The following TLDC2 variants were observed in gnomAD, a reference collection of about 807,000 sequenced individuals.
The protein encoded by TLDC2 is TLD domain-containing protein 2.
TLDC2 carries 23 observed loss-of-function variants against 27.9 expected under a neutral mutation model. That is an observed-to-expected ratio of 0.82 (90% CI 0.59 to 1.17). The LOEUF is 1.17. Ranked by LOEUF, TLDC2 falls within the 50% of genes most tolerant of loss-of-function variation. The pLI, the probability that TLDC2 is intolerant of heterozygous loss-of-function variation, is 0.00. For synonymous variants in TLDC2, 124 were observed against 107.4 expected (o/e 1.16, Z -0.96); for missense variants, 286 against 273.4 (o/e 1.05, Z -0.32).
intron 1 of TLDC2, 143 bp downstream of exon 1, chr20:36,876,350 G>A: frequency 8.9e-7 from 1 of 1,129,106 alleles, no homozygotes; most frequent in Non-Finnish European, 1.3e-6. Flanking sequence ...CCTGTGGTTT[G>A]GAGCAAGGAC....
At chr20:36,892,813 T>C in intron 6 of TLDC2, 49 bp from the exon 7 acceptor site, 1 of 1,296,816 alleles carries the variant, frequency 7.7e-7, no homozygotes, top group Non-Finnish European at 1.1e-6. Context: ...TCAGCATGCG[T>C]GTACATTCAA....
Position 36,878,904 on chromosome 20 carries a change from G to A in TLDC2, c.190-137G>A, listed in dbSNP as rs1989735476. 3.0e-5 allele frequency: 39 copies of A among 1,290,968 alleles called. No homozygotes were observed. The South Asian group carries it at 4.6e-4, about 15-fold the overall frequency. The allele number at this position is 1,290,968 out of a possible 1,614,324, so 80.0% of individuals were successfully genotyped here. A position where few individuals can be genotyped will look rare whatever the true frequency, so the allele number is the denominator to read the frequency against. On this transcript the variant is annotated intron_variant, in intron 2 of 6. Transcript: ENST00000217320. ...GAGGGCTATGGCTGATGGCATGAAA[G>A]TCCCTAGAAACAGCAAACTGCTCTA...
At position 36,889,743 on chromosome 20, in the gene TLDC2, C is replaced by T. The variant is rs149159832; in HGVS notation, c.*17+340C>T. The stretch of plus-strand genomic sequence containing the variant: ...ATGCTGTTCCTCGCCAGCTACTGAA[C>T]GAGGAAAACCAACCTCATGAACATT... On this transcript the variant is annotated intron_variant, in intron 6 of 6. Coordinates refer to ENST00000217320, the MANE Select transcript of TLDC2 (RefSeq NM_080628.3). 8.8e-3 allele frequency: 1,545 copies of T among 176,250 alleles called. 11 individuals carry two copies. Among genetic ancestry groups the T allele is most frequent in the Non-Finnish European group, 0.012 (981 of 84,408 alleles). 10.9% of individuals were successfully genotyped at this position (176,250 alleles called of 1,614,324 possible). A position where few individuals can be genotyped will look rare whatever the true frequency, so the allele number is the denominator to read the frequency against.
At position 36,878,047 on chromosome 20, in the gene TLDC2, T is replaced by A; in HGVS notation, c.182T>A (p.Ile61Asn). ...AGCCAGGTTTTGAGTGCCTCAGAGA[T>A]TCGGCAGGTCTGGGCATTGCCCATG... The part of the protein sequence containing the change: ...EASQVLSASE[I>N]RQLSFHFPPR... The change falls in exon 2 of 7, where the codon ATT becomes AAT. Residue 61 changes from isoleucine (I) to asparagine (N), a missense_variant. Ile to Asn is a moderately radical substitution (Grantham distance 149). Coordinates refer to ENST00000217320, the MANE Select transcript of TLDC2 (RefSeq NM_080628.3). 1 of 1,612,986 alleles carries A rather than the reference T, an allele frequency of 6.2e-7. No homozygotes were observed. Among genetic ancestry groups the A allele is most frequent in the Non-Finnish European group, 8.5e-7 (1 of 1,179,452 alleles).
At chr20:36,890,424 T>C (rs1166226059) in intron 6 of TLDC2, 1 of 151,390 alleles carries the variant, frequency 6.6e-6, no homozygotes, top group African/African-American at 2.4e-5. Context: ...CTTTCTTTTC[T>C]TTCTCTCTTT....
At chr20:36,890,422 T>TTTCTTTCTTTCTTTCTTTC (rs1387480780) in intron 6 of TLDC2, 6 of 109,866 alleles carry the variant, frequency 5.5e-5, no homozygotes, top group Non-Finnish European at 9.2e-5. Context: ...TTCTTTCTTT[T>TTTCTTTCTTTCTTTCTTTC]CTTTCTCTCT....
intron 2 of TLDC2, among the ~76,000 whole-genome samples, chr20:36,878,661 G>A (rs779779480): frequency 2.0e-5 from 3 of 152,082 alleles, no homozygotes; most frequent in Non-Finnish European, 2.9e-5. Flanking sequence ...AGGGGTGGGC[G>A]GATGAGACGG....
At chr20:36,888,442 T>C (rs1015461356) in intron 5 of TLDC2, among the ~76,000 whole-genome samples, 3 of 151,870 alleles carry the variant, frequency 2.0e-5, no homozygotes, top group East Asian at 1.9e-4. Flanking sequence ...CGTGGTGGCT[T>C]GTGCCTGTAA....
At chr20:36,880,459 T>A (rs1021826966) in intron 3 of TLDC2, among the ~76,000 whole-genome samples, 196 bp from the exon 4 acceptor site, 4 of 151,462 alleles carry the variant, frequency 2.6e-5, no homozygotes, top group African/African-American at 9.7e-5. Flanking sequence ...GCAGCAGGAG[T>A]TCTTCCTTGG....
intron 6 of TLDC2, chr20:36,892,078 C>T (rs1468105084): frequency 1.3e-5 from 2 of 152,392 alleles, no homozygotes; most frequent in African/African-American, 2.4e-5. Context: ...GGAGCCGCCA[C>T]GGAGCCAGGG....
At position 36,893,198 on chromosome 20, in the gene TLDC2, G is replaced by C; in HGVS notation, c.*354G>C. ...TGCTTCTAGCTGTCCTCAATCCAGG[G>C]AAACTCCAAATTACATATGCCCTGT... On this transcript the variant is annotated 3_prime_UTR_variant, in exon 7 of 7. Transcript: ENST00000217320. The C allele has an allele frequency of 8.9e-7, 1 of 1,126,036 alleles. No homozygotes were observed. The highest frequency in any genetic ancestry group is 1.3e-6 in the Non-Finnish European group (1 of 769,276). 69.8% of individuals were successfully genotyped at this position (1,126,036 alleles called of 1,614,324 possible).
chr20:36,885,814 C>G (rs1293561759), intron 4 of TLDC2, among the ~76,000 whole-genome samples: 4 of 152,132 alleles, frequency 2.6e-5, no homozygotes. Context: ...AGGAAGAAGA[C>G]AGGCCACACG....
At chr20:36,890,093 C>T (rs1457812340) in intron 6 of TLDC2, 2 of 152,212 alleles carry the variant, frequency 1.3e-5, no homozygotes, top group East Asian at 3.8e-4. Context: ...GCCTTTTTGT[C>T]TGCCACCAGT....
At chr20:36,880,870 C>T (rs1310714186) in intron 4 of TLDC2, 120 bp downstream of exon 4, 2 of 900,380 alleles carry the variant, frequency 2.2e-6, no homozygotes, top group African/African-American at 3.3e-5. Flanking sequence ...ACCATCTTCC[C>T]ACAGGGGAAT....
chr20:36,878,156 T>C, intron 2 of TLDC2, 102 bp downstream of exon 2: 2 of 1,315,926 alleles, frequency 1.5e-6, no homozygotes, highest in Non-Finnish European at 2.0e-6. Flanking sequence ...GAGTCACTCT[T>C]GCTCTGTTCT....
intron 1 of TLDC2, 81 bp from the exon 2 acceptor site, chr20:36,877,818 A>G: frequency 6.7e-7 from 1 of 1,501,474 alleles, no homozygotes; most frequent in Non-Finnish European, 9.0e-7. Context: ...AGGTGGCCCG[A>G]GGAGGCTCTT....
Position 36,889,311 on chromosome 20 carries a change from G to A in TLDC2, c.573G>A (p.Pro191=), listed in dbSNP as rs999909570. The stretch of plus-strand genomic sequence containing the variant: ...TCCGCGGGGGAAGCTCCCCTTGCCC[G>A]ACCTTCAACAACGAGGTGCTGGCCC... ...DLFRGGSSPC[P]TFNNEVLARQ... Residue 191 remains proline, a synonymous_variant, in exon 6 of 7, where the codon CCG becomes CCA. Transcript: ENST00000217320. 2.5e-6 allele frequency: 4 copies of A among 1,614,060 alleles called. No homozygotes were observed. The highest frequency in any genetic ancestry group is 1.1e-5 in the South Asian group (1 of 91,086).
chr20:36,885,526 C>T (rs1270414694), intron 4 of TLDC2, among the ~76,000 whole-genome samples: 1 of 152,214 alleles, frequency 6.6e-6, no homozygotes, highest in East Asian at 1.9e-4. Flanking sequence ...GTGTATCTTA[C>T]TCCTTCAGGT....
At position 36,889,436 on chromosome 20, in the gene TLDC2, C is replaced by T. The variant is rs758445190; in HGVS notation, c.*17+33C>T. 4 of 1,595,260 alleles carry T rather than the reference C, an allele frequency of 2.5e-6. No individual in the cohort carries two copies. In the East Asian group the frequency reaches 9.0e-5, roughly 36 times the overall value. On this transcript the variant is annotated intron_variant, in intron 6 of 6. Coordinates refer to ENST00000217320, the MANE Select transcript of TLDC2 (RefSeq NM_080628.3). ...GCCCTGCTCATGATGCCACCCAGGC[C>T]TTCCTGACACACAGCAGCCTGTGCT... is the stretch of plus-strand genomic sequence containing the variant.
Sources: allele counts gnomAD v4.1 joint callset (sites outside exome capture counted in the v4.1 genomes callset), GRCh38; gene constraint gnomAD v4.1.1; transcripts MANE v1.5; gene names NCBI Gene and HGNC (gene_info 2026-07-23, HGNC 2026-07-21).